Variants in PTPN12 observed in about 807,000 individuals in gnomAD.
PTPN12 encodes protein tyrosine phosphatase non-receptor type 12.
A neutral mutation model predicts 97.6 loss-of-function variants in PTPN12; 29 were observed. That is an observed-to-expected ratio of 0.30 (90% CI 0.22 to 0.41). The LOEUF (loss-of-function observed/expected upper bound fraction) is 0.41. Ranked by LOEUF, PTPN12 falls within the 10% of genes least tolerant of loss-of-function variation. PTPN12 has a pLI of 1.00. For missense variants in PTPN12, 819 were observed against 926.0 expected, an observed-to-expected ratio of 0.88 and a Z score of 1.50; for synonymous variants, 327 against 300.4, an observed-to-expected ratio of 1.09 and a Z score of -0.91.
chr7:77,562,011 C>T (rs981940605), intron 1 of PTPN12, among the ~76,000 whole-genome samples: 17 of 151,160 alleles, frequency 1.1e-4, no homozygotes, highest in Admixed American at 3.3e-4. Flanking sequence ...AGGATGGTCT[C>T]GGTCTCCTGA....
At chr7:77,540,116 G>A (rs1806883314) in intron 1 of PTPN12, among the ~76,000 whole-genome samples, 1 of 152,158 alleles carries the variant, frequency 6.6e-6, no homozygotes, top group South Asian at 2.1e-4. Context: ...TTGGTGATGC[G>A]GGCCATCAGG....
intron 2 of PTPN12, among the ~76,000 whole-genome samples, chr7:77,578,281 A>G (rs1477476098): frequency 6.6e-6 from 1 of 152,214 alleles, no homozygotes; most frequent in African/African-American, 2.4e-5. Flanking sequence ...TTCAGCCATC[A>G]TTATCCTAAC....
Position 77,537,827 on chromosome 7 carries a change from G to A in PTPN12, c.99+182G>A, listed in dbSNP as rs185190959. ...GGGAGGCGAGAGCGCCTCCCCCCGT[G>A]GCCTCCTTTCTTCTCCCATGTTCGC... On this transcript the variant is annotated intron_variant, in intron 1 of 17. Coordinates refer to ENST00000248594, the MANE Select transcript of PTPN12 (RefSeq NM_002835.4). Among the ~76,000 whole-genome samples, 214 of 152,144 alleles carry A rather than the reference G, an allele frequency of 1.4e-3. 1 individual carries two copies. Among genetic ancestry groups the A allele is most frequent in the African/African-American group, 4.9e-3 (202 of 41,538 alleles).
At chr7:77,563,103 T>G (rs17381111) in intron 1 of PTPN12, among the ~76,000 whole-genome samples, 1 of 152,336 alleles carries the variant, frequency 6.6e-6, no homozygotes, top group African/African-American at 2.4e-5. Flanking sequence ...TATTACTACA[T>G]GCATTCAGGG....
Position 77,605,417 on chromosome 7 carries a change from T to TTTTTTTTG in PTPN12, c.696-1811_696-1810insGTTTTTTT, listed in dbSNP as rs1788333625. The stretch of plus-strand genomic sequence containing the variant: ...AAATACTTTTGTCATGAGTTTTTTT[T>TTTTTTTTG]TTTTTTTTTTTTTTTTTTTTGAGAC... On this transcript the variant is annotated intron_variant, in intron 8 of 17. Coordinates refer to ENST00000248594, the MANE Select transcript of PTPN12 (RefSeq NM_002835.4). Among the ~76,000 whole-genome samples the TTTTTTTTG allele has an allele frequency of 4.0e-5, 5 of 124,972 alleles. No individual in the cohort carries two copies. In the East Asian group the frequency reaches 6.6e-4, roughly 16 times the overall value. The allele number at this position is 124,972 out of a possible 152,430, so 82.0% of individuals were successfully genotyped here.
At chr7:77,560,960 T>A (rs1163314627) in intron 1 of PTPN12, among the ~76,000 whole-genome samples, 1 of 152,244 alleles carries the variant, frequency 6.6e-6, no homozygotes, top group African/African-American at 2.4e-5. Context: ...TTTTACTTTT[T>A]GAGGAACCAC....
At chr7:77,553,945 CTT>C (rs56333533) in intron 1 of PTPN12, among the ~76,000 whole-genome samples, 6 of 147,404 alleles carry the variant, frequency 4.1e-5, no homozygotes, top group East Asian at 2.0e-4. Flanking sequence ...AGTTTTACTT[CTT>C]TTTTTTTTTA....
At chr7:77,564,756 T>TTTTTTG (rs1808177601) in intron 1 of PTPN12, among the ~76,000 whole-genome samples, 1 of 91,074 alleles carries the variant, frequency 1.1e-5, no homozygotes, top group Non-Finnish European at 2.1e-5. Context: ...GTTTTTTTTT[T>TTTTTTG]TTTTTTTTTT....
chr7:77,540,284 T>C (rs1396957485), intron 1 of PTPN12, among the ~76,000 whole-genome samples: 2 of 150,746 alleles, frequency 1.3e-5, no homozygotes, highest in East Asian at 1.9e-4. Flanking sequence ...GTCGCCCAGG[T>C]TGGAGTGCAG....
intron 1 of PTPN12, among the ~76,000 whole-genome samples, chr7:77,557,311 T>TA (rs1807764898): frequency 6.6e-6 from 1 of 152,184 alleles, no homozygotes; most frequent in Non-Finnish European, 1.5e-5. Context: ...ACTGAGCCTC[T>TA]AGCAGTTCAT....
At chr7:77,553,633 AT>A (rs1383925174) in intron 1 of PTPN12, among the ~76,000 whole-genome samples, 1 of 152,108 alleles carries the variant, frequency 6.6e-6, no homozygotes, top group Non-Finnish European at 1.5e-5. Flanking sequence ...TAGCTGATAT[AT>A]TTTTTTCCAT....
rs149975985 is a variant in PTPN12, at chr7:77,585,816, C to G, written c.420+235C>G. Among the ~76,000 whole-genome samples, 31 of 152,170 alleles carry G rather than the reference C, an allele frequency of 2.0e-4. No homozygotes were observed. In the East Asian group the frequency reaches 5.4e-3, roughly 27 times the overall value. ...GCATACCTCAGAGATATTATAGGTT[C>G]AGTTCCAGACCACCACAATAGCGCA... On this transcript the variant is annotated intron_variant, in intron 5 of 17. Coordinates refer to ENST00000248594, the MANE Select transcript of PTPN12 (RefSeq NM_002835.4).
At chr7:77,555,642 C>T (rs1013926971) in intron 1 of PTPN12, among the ~76,000 whole-genome samples, 8 of 152,234 alleles carry the variant, frequency 5.3e-5, no homozygotes, top group Non-Finnish European at 7.4e-5. Context: ...AGGCCGGGCA[C>T]GGTGGCTCAC....
At chr7:77,611,466 CAG>C (rs571532094) in intron 11 of PTPN12, among the ~76,000 whole-genome samples, 1 of 151,878 alleles carries the variant, frequency 6.6e-6, no homozygotes, top group Non-Finnish European at 1.5e-5. Flanking sequence ...TTTTTTGAGA[CAG>C]AGTTTCACTC....
intron 5 of PTPN12, among the ~76,000 whole-genome samples, chr7:77,589,616 C>T (rs1001070808): frequency 6.6e-6 from 1 of 151,906 alleles, no homozygotes; most frequent in Non-Finnish European, 1.5e-5. Context: ...AATTGGGAAG[C>T]CTTAATTTAT....
intron 7 of PTPN12, among the ~76,000 whole-genome samples, chr7:77,599,564 G>C (rs1209601329): frequency 1.3e-5 from 2 of 152,062 alleles, no homozygotes; most frequent in Non-Finnish European, 2.9e-5. Flanking sequence ...AAAGTGTTGG[G>C]ATTACAGATG....
chr7:77,602,632 A>G (rs901676701), intron 8 of PTPN12, among the ~76,000 whole-genome samples: 2 of 152,010 alleles, frequency 1.3e-5, no homozygotes, highest in African/African-American at 4.8e-5. Flanking sequence ...AAAAAAAAAA[A>G]AGAATATAGG....
intron 2 of PTPN12, among the ~76,000 whole-genome samples, chr7:77,572,860 G>A (rs983818772): frequency 1.3e-5 from 2 of 152,056 alleles, no homozygotes; most frequent in Non-Finnish European, 2.9e-5. Context: ...CGAGACTGGT[G>A]GATCACGAGG....
intron 1 of PTPN12, among the ~76,000 whole-genome samples, chr7:77,553,676 A>G (rs1390652681): frequency 1.3e-5 from 2 of 152,140 alleles, no homozygotes; most frequent in African/African-American, 4.8e-5. Context: ...GTGTTTGTAT[A>G]TTTAAAGTGG....
Sources: gnomAD v4.1 joint callset for allele counts (sites outside exome capture counted in the v4.1 genomes callset) on GRCh38, gnomAD v4.1.1 for gene constraint, MANE v1.5 for transcripts, NCBI Gene and HGNC (gene_info 2026-07-23, HGNC 2026-07-21) for gene names.